The following CD247 variants were observed in gnomAD, a reference collection of about 807,000 sequenced individuals.
CD247 encodes T-cell surface glycoprotein CD3 zeta chain.
Under a neutral mutation model 30.0 loss-of-function variants are expected in CD247, and 13 were observed. The ratio of observed to expected loss-of-function variants is 0.43; its 90% CI spans 0.28 to 0.69. CD247 has a LOEUF of 0.69. CD247 is among the 30% of genes least tolerant of loss of function. The pLI is 0.16. For missense variants in CD247, 193 were observed against 212.6 expected, an observed-to-expected ratio of 0.91 and a Z score of 0.57; for synonymous variants, 72 against 80.0, an observed-to-expected ratio of 0.90 and a Z score of 0.53.
At chr1:167,438,759 G>A (rs1265136025) in intron 3 of CD247, 109 bp from the exon 4 acceptor site, 2 of 850,758 alleles carry the variant, frequency 2.4e-6, no homozygotes, top group African/African-American at 1.7e-5. Flanking sequence ...CATAAAAAGA[G>A]GGGCAGGGGC....
intron 1 of CD247, among the ~76,000 whole-genome samples, chr1:167,497,032 G>A (rs1206224219): frequency 6.6e-6 from 1 of 152,224 alleles, no homozygotes; most frequent in Non-Finnish European, 1.5e-5. Context: ...GTATGCACAG[G>A]AATGTCCACA....
At chr1:167,461,568 G>T (rs559826025) in intron 1 of CD247, among the ~76,000 whole-genome samples, 1 of 152,156 alleles carries the variant, frequency 6.6e-6, no homozygotes, top group African/African-American at 2.4e-5. Context: ...GAAAATAGTC[G>T]GCCGGGCGTG....
chr1:167,503,394 C>T (rs539086951), intron 1 of CD247, among the ~76,000 whole-genome samples: 3 of 152,350 alleles, frequency 2.0e-5, no homozygotes, highest in Admixed American at 2.0e-4. Flanking sequence ...CTGCAGGTCA[C>T]TTAATAGGTG....
chr1:167,462,660 G>C (rs1462463067), intron 1 of CD247, among the ~76,000 whole-genome samples: 1 of 152,184 alleles, frequency 6.6e-6, no homozygotes, highest in Non-Finnish European at 1.5e-5. Context: ...TCCCGCCGCT[G>C]GGCCATTTCC....
chr1:167,500,813 A>AC (rs1226849810), intron 1 of CD247, among the ~76,000 whole-genome samples: 1 of 152,008 alleles, frequency 6.6e-6, no homozygotes, highest in Non-Finnish European at 1.5e-5. Context: ...CCTTGAGGAT[A>AC]CCCCCCAAGA....
At position 167,433,051 on chromosome 1, in the gene CD247, C is replaced by G; in HGVS notation, c.402G>C (p.Arg134Ser). The G allele has an allele frequency of 6.2e-7, 1 of 1,614,206 alleles. No homozygotes were observed. Among genetic ancestry groups the G allele is most frequent in the Non-Finnish European group, 8.5e-7 (1 of 1,180,018 alleles). The change falls in exon 7 of 8, where the codon AGG becomes AGC. Residue 134 changes from arginine (R) to serine (S), a missense_variant. Arg to Ser is a moderately radical substitution (Grantham distance 110). Transcript: ENST00000362089. ...SEIGMKGERR[R>S]GKGHDGLYQG... ...GGTAAAGGCCATCGTGCCCCTTGCC[C>G]CTCCGGCGCTGGTTGTTTGGGAGTG... is the stretch of plus-strand genomic sequence containing the variant.
At chr1:167,432,954 T>G in intron 7 of CD247, 70 bp downstream of exon 7, 1 of 1,552,074 alleles carries the variant, frequency 6.4e-7, no homozygotes, top group African/African-American at 1.4e-5. Flanking sequence ...GCAGGCAAAA[T>G]GTGGGGGCCT....
At chr1:167,442,117 A>G (rs1052956291) in intron 1 of CD247, among the ~76,000 whole-genome samples, 1 of 152,254 alleles carries the variant, frequency 6.6e-6, no homozygotes, top group Admixed American at 6.5e-5. Context: ...TCTCAAAAAA[A>G]AATTTAAAAA....
At chr1:167,452,412 A>AC (rs1491537832) in intron 1 of CD247, among the ~76,000 whole-genome samples, 2 of 57,238 alleles carry the variant, frequency 3.5e-5, no homozygotes, top group Non-Finnish European at 9.7e-5. Context: ...AGACTCTATC[A>AC]AAAAAAAAAA....
chr1:167,482,941 C>A (rs921693128), intron 1 of CD247, among the ~76,000 whole-genome samples: 2 of 151,534 alleles, frequency 1.3e-5, no homozygotes, highest in African/African-American at 2.4e-5. Context: ...CTCTGAGGTG[C>A]CTAATCTGAT....
At chr1:167,469,923 T>A (rs964518611) in intron 1 of CD247, among the ~76,000 whole-genome samples, 2 of 151,818 alleles carry the variant, frequency 1.3e-5, no homozygotes, top group African/African-American at 2.4e-5. Flanking sequence ...TTTTATTTTA[T>A]TTTTTTTGAG....
rs147878787 is a variant in CD247 at position 167,495,495 on chromosome 1, T to C, written c.58+22913A>G. On this transcript the variant is annotated intron_variant, in intron 1 of 7. Coordinates refer to ENST00000362089, the MANE Select transcript of CD247 (RefSeq NM_198053.3). ...GCAACAGATGTTTCTTGAACAAACA[T>C]CACTAAGTAATGCCTACTTCTGCCC... is the stretch of plus-strand genomic sequence containing the variant. Among the ~76,000 whole-genome samples, 17 of 152,302 alleles carry C rather than the reference T, an allele frequency of 1.1e-4. No individual in the cohort carries two copies. In the East Asian group the frequency reaches 3.3e-3, roughly 29 times the overall value.
In CD247 at chr1:167,433,008, C is replaced by T. The variant is rs777799139; in HGVS notation, c.429+16G>A. ...GGTGGTGCCCCTTCCACTGAAGGGA[C>T]GCCGGCAGCTCCTACCTGGTAAAGG... On this transcript the variant is annotated intron_variant, in intron 7 of 7. Transcript: ENST00000362089. 1.4e-5 allele frequency: 22 copies of T among 1,613,956 alleles called. No homozygotes were observed. The highest frequency in any genetic ancestry group is 3.3e-5 in the Admixed American group (2 of 60,006).
At chr1:167,438,730 T>G in intron 3 of CD247, 80 bp from the exon 4 acceptor site, 1 of 1,140,908 alleles carries the variant, frequency 8.8e-7, no homozygotes, top group South Asian at 1.2e-5. Context: ...GGAGTGTGGT[T>G]TCCCTCTCTG....
chr1:167,478,480 T>C (rs1653843983), intron 1 of CD247, among the ~76,000 whole-genome samples: 2 of 152,264 alleles, frequency 1.3e-5, no homozygotes, highest in South Asian at 4.1e-4. Context: ...TGTATGTGTG[T>C]GTGTTTGGTG....
chr1:167,512,909 G>C (rs1034923430), intron 1 of CD247, among the ~76,000 whole-genome samples: 2 of 152,252 alleles, frequency 1.3e-5, no homozygotes, highest in Non-Finnish European at 2.9e-5. Flanking sequence ...GATGGTAACA[G>C]AGAGTTAGAG....
At chr1:167,434,188 G>T in intron 5 of CD247, 112 bp from the exon 6 acceptor site, 1 of 938,438 alleles carries the variant, frequency 1.1e-6, no homozygotes, top group South Asian at 1.3e-5. Flanking sequence ...GGCAGACAGG[G>T]AGGGCTCCCA....
chr1:167,515,458 C>T (rs1655561995), intron 1 of CD247, among the ~76,000 whole-genome samples: 2 of 152,216 alleles, frequency 1.3e-5, no homozygotes, highest in Admixed American at 6.5e-5. Flanking sequence ...GTAAGTGGCA[C>T]TGAGAAGTAA....
At chr1:167,441,711 A>G (rs1280169930) in intron 1 of CD247, among the ~76,000 whole-genome samples, 15 of 152,228 alleles carry the variant, frequency 9.9e-5, no homozygotes, top group Non-Finnish European at 1.8e-4. Flanking sequence ...CTAGTGCCAT[A>G]TTAACCTTTG....
Sources: allele counts gnomAD v4.1 joint callset (sites outside exome capture counted in the v4.1 genomes callset), GRCh38; gene constraint gnomAD v4.1.1; transcripts MANE v1.5; gene names NCBI Gene and HGNC (gene_info 2026-07-23, HGNC 2026-07-21).